The following GDAP2 variants were observed in gnomAD, a reference collection of about 807,000 sequenced individuals.
GDAP2 encodes ganglioside induced differentiation associated protein 2.
GDAP2 carries 51 observed loss-of-function variants against 67.0 expected under a neutral mutation model. The ratio of observed to expected loss-of-function variants is 0.76; its 90% CI spans 0.61 to 0.96. The LOEUF is 0.96. Among genes scored for constraint, GDAP2 ranks in the 40% least tolerant of loss-of-function variants. The probability of loss-of-function intolerance (pLI) is 0.00; values close to 1 mark genes in which losing one functional copy is unlikely to be tolerated. For missense variants in GDAP2, 547 were observed against 588.3 expected (o/e 0.93, Z 0.73); for synonymous variants, 203 against 207.3 (o/e 0.98, Z 0.18).
chr1:117,878,206 T>C (rs1648530941), intron 12 of GDAP2, 54 bp from the exon 13 acceptor site: 2 of 988,662 alleles, frequency 2.0e-6, no homozygotes, highest in Non-Finnish European at 3.0e-6. Context: ...GTTAGAAACA[T>C]AAACACAATT....
In GDAP2 at chr1:117,866,726, T is replaced by C. The variant is rs898908366; in HGVS notation, c.*3843A>G. The stretch of plus-strand genomic sequence containing the variant: ...AAAATTAGCCGGGCATGGTGGTGCA[T>C]GTCTATAATCTCACTTACTGGGGAG... On this transcript the variant is annotated 3_prime_UTR_variant, in exon 14 of 14. Transcript: ENST00000369443. The C allele has an allele frequency of 6.6e-6, 1 of 151,758 alleles. No individual in the cohort carries two copies. The allele number at this position is 151,758 out of a possible 1,614,324, so 9.4% of individuals were successfully genotyped here. A position where few individuals can be genotyped will look rare whatever the true frequency, so the allele number is the denominator to read the frequency against.
chr1:117,876,955 T>G (rs1648477255), intron 13 of GDAP2, among the ~76,000 whole-genome samples: 2 of 152,172 alleles, frequency 1.3e-5, no homozygotes, highest in South Asian at 4.1e-4. Context: ...TTTTAAGCAT[T>G]AAGATGAGTG....
At chr1:117,892,685 T>A (rs1649126669) in intron 8 of GDAP2, among the ~76,000 whole-genome samples, 1 of 152,156 alleles carries the variant, frequency 6.6e-6, no homozygotes, top group South Asian at 2.1e-4. Context: ...TGCAACCAAC[T>A]GAGGTTGGAC....
At chr1:117,908,571 C>T (rs962990981) in intron 5 of GDAP2, among the ~76,000 whole-genome samples, 1 of 152,060 alleles carries the variant, frequency 6.6e-6, no homozygotes, top group East Asian at 1.9e-4. Context: ...GGCTATAATC[C>T]CAGCACTTTG....
intron 7 of GDAP2, among the ~76,000 whole-genome samples, chr1:117,898,534 G>C (rs1649338816): frequency 1.3e-5 from 2 of 152,082 alleles, no homozygotes; most frequent in Non-Finnish European, 2.9e-5. Flanking sequence ...CCACAGAAGG[G>C]ACTTAAGACC....
chr1:117,922,478 C>T (rs79850578), intron 1 of GDAP2, among the ~76,000 whole-genome samples: 1,756 of 152,214 alleles, frequency 0.012, 33 homozygotes, highest in African/African-American at 0.04. Context: ...AACATGCCCC[C>T]GATAATTCAA....
At chr1:117,876,601 T>G (rs1648464215) in intron 13 of GDAP2, among the ~76,000 whole-genome samples, 1 of 152,194 alleles carries the variant, frequency 6.6e-6, no homozygotes, top group Admixed American at 6.5e-5. Context: ...AGTGTTAGAT[T>G]ATAAGTTAGT....
intron 13 of GDAP2, 53 bp from the exon 14 acceptor site, chr1:117,870,669 G>A (rs566208692): frequency 2.5e-6 from 3 of 1,193,926 alleles, no homozygotes; most frequent in East Asian, 4.7e-5. Flanking sequence ...CAATTTAACT[G>A]GAAATGTGAA....
chr1:117,913,291 A>T (rs889534872), intron 3 of GDAP2: 1 of 152,200 alleles, frequency 6.6e-6, no homozygotes, highest in Admixed American at 6.5e-5. Context: ...TGTAAAGGCT[A>T]TGCTGTCAAG....
chr1:117,899,310 C>T (rs995824723), intron 6 of GDAP2, 94 bp from the exon 7 acceptor site: 19 of 801,950 alleles, frequency 2.4e-5, no homozygotes, highest in Non-Finnish European at 2.9e-5. Flanking sequence ...GTGAAGACAA[C>T]CTCCATCAAG....
At chr1:117,914,677 AAAGAAACCAGTAAC>A (rs1418509681) in intron 3 of GDAP2, among the ~76,000 whole-genome samples, 82 of 152,332 alleles carry the variant, frequency 5.4e-4, no homozygotes, top group Admixed American at 1.0e-3. Flanking sequence ...AGCTTTCCAG[AAAGAAACCAGTAAC>A]ATACAAACAA....
In GDAP2 at chr1:117,883,603, T is replaced by C; in HGVS notation, c.1132A>G (p.Met378Val). The C allele has an allele frequency of 1.9e-6, 3 of 1,600,894 alleles. No individual in the cohort carries two copies. Among genetic ancestry groups the C allele is most frequent in the African/African-American group, 1.3e-5 (1 of 74,754 alleles). ...TACTCCTTCACAGCAATGTGATCCA[T>C]TACATGAATGAAATATAAGAGAGCC... The part of the protein sequence containing the change: ...DKALLYFIHV[M>V]DHIAVKEYVL... Residue 378 changes from methionine to valine, a missense_variant, in exon 11 of 14, where the codon ATG becomes GTG. By Grantham distance (21) the Met-to-Val change is conservative. Coordinates refer to ENST00000369443, the MANE Select transcript of GDAP2 (RefSeq NM_017686.4).
chr1:117,907,468 C>T (rs543797325), intron 5 of GDAP2, among the ~76,000 whole-genome samples: 1 of 152,212 alleles, frequency 6.6e-6, no homozygotes, highest in South Asian at 2.1e-4. Context: ...CCAAATTTGA[C>T]CCCAACAGGT....
intron 6 of GDAP2, among the ~76,000 whole-genome samples, chr1:117,899,551 A>G (rs1036737324): frequency 2.0e-5 from 3 of 152,082 alleles, no homozygotes; most frequent in Non-Finnish European, 4.4e-5. Context: ...GATGCTAGCT[A>G]CTTCCTTAAC....
In GDAP2 at chr1:117,870,874, C is replaced by T. The variant is rs554059817; in HGVS notation, c.1447-258G>A. 4.6e-5 allele frequency among the ~76,000 whole-genome samples: 7 copies of T among 152,200 alleles called. No homozygotes were observed. The East Asian group carries it at 7.7e-4, about 17-fold the overall frequency. ...TTTTATGTGCCAGACAATTTATAGG[C>T]GCTTTTAAAGTCATCCCTTTAAATC... On this transcript the variant is annotated intron_variant, in intron 13 of 13. Transcript: ENST00000369443.
chr1:117,890,581 T>A (rs1649039664), intron 8 of GDAP2, among the ~76,000 whole-genome samples: 2 of 152,130 alleles, frequency 1.3e-5, no homozygotes, highest in African/African-American at 4.8e-5. Context: ...TTATCTTTAA[T>A]GAAGTAATAA....
At chr1:117,874,476 T>C (rs1031396794) in intron 13 of GDAP2, among the ~76,000 whole-genome samples, 2 of 152,218 alleles carry the variant, frequency 1.3e-5, no homozygotes, top group Non-Finnish European at 2.9e-5. Context: ...ATGCTTCTTG[T>C]ACAGCCTGCA....
chr1:117,870,467 G>C lies in GDAP2; in HGVS notation c.*102C>G. The C allele has an allele frequency of 2.6e-6, 2 of 773,036 alleles. No individual in the cohort carries two copies. Among genetic ancestry groups the C allele is most frequent in the Non-Finnish European group, 4.5e-6 (2 of 440,556 alleles). The allele number at this position is 773,036 out of a possible 1,614,324, so 47.9% of individuals were successfully genotyped here. A position where few individuals can be genotyped will look rare whatever the true frequency, so the allele number is the denominator to read the frequency against. On this transcript the variant is annotated 3_prime_UTR_variant, in exon 14 of 14. Transcript: ENST00000369443. ...AATACCAGAGAGGTGGGGACAAAAG[G>C]CTCTCTGGATCTGTACAGCAACAAT...
At chr1:117,872,187 A>G (rs964643837) in intron 13 of GDAP2, among the ~76,000 whole-genome samples, 5 of 152,210 alleles carry the variant, frequency 3.3e-5, no homozygotes, top group African/African-American at 1.2e-4. Context: ...AAGTCAAGAA[A>G]CAACAAATGC....
Sources: allele counts gnomAD v4.1 joint callset (sites outside exome capture counted in the v4.1 genomes callset), GRCh38; gene constraint gnomAD v4.1.1; transcripts MANE v1.5; gene names NCBI Gene and HGNC (gene_info 2026-07-23, HGNC 2026-07-21).